Variants in ST3GAL6 observed in about 807,000 individuals in gnomAD.
The protein encoded by ST3GAL6 is ST3 beta-galactoside alpha-2,3-sialyltransferase 6.
A neutral mutation model predicts 40.5 loss-of-function variants in ST3GAL6; 31 were observed. The observed-to-expected ratio is 0.77, with a 90% CI of 0.58 to 1.03. The LOEUF (loss-of-function observed/expected upper bound fraction) is 1.03. Ranked by LOEUF, ST3GAL6 falls within the 50% of genes least tolerant of loss-of-function variation. The pLI is 0.00. For missense variants in ST3GAL6, 357 were observed against 393.2 expected, an observed-to-expected ratio of 0.91 and a Z score of 0.78; for synonymous variants, 129 against 136.9, an observed-to-expected ratio of 0.94 and a Z score of 0.40.
intron 1 of ST3GAL6, among the ~76,000 whole-genome samples, chr3:98,754,326 G>A (rs1468331543): frequency 6.6e-6 from 1 of 152,242 alleles, no homozygotes; most frequent in Non-Finnish European, 1.5e-5. Flanking sequence ...GGAAGAAACT[G>A]CAGATTGATG....
At chr3:98,775,871 G>A (rs1210338465) in intron 5 of ST3GAL6, among the ~76,000 whole-genome samples, 1 of 152,150 alleles carries the variant, frequency 6.6e-6, no homozygotes, top group Non-Finnish European at 1.5e-5. Context: ...AAATCATGCT[G>A]ACTGCAGGAG....
intron 1 of ST3GAL6, among the ~76,000 whole-genome samples, chr3:98,747,467 G>T (rs2107318223): frequency 6.6e-6 from 1 of 152,196 alleles, no homozygotes; most frequent in Middle Eastern, 3.4e-3. Flanking sequence ...ATTTAAAAAT[G>T]AAACGACAAT....
chr3:98,736,725 G>T (rs80224578), intron 1 of ST3GAL6, among the ~76,000 whole-genome samples: 1 of 152,214 alleles, frequency 6.6e-6, no homozygotes, highest in African/African-American at 2.4e-5. Context: ...GGAGCGTGCC[G>T]TGTTGGACAC....
intron 1 of ST3GAL6, among the ~76,000 whole-genome samples, chr3:98,753,571 G>T (rs1443030000): frequency 6.6e-6 from 1 of 152,206 alleles, no homozygotes; most frequent in South Asian, 2.1e-4. Context: ...AAGCTTCAAA[G>T]GGCTGGCTCA....
At chr3:98,773,424 T>G (rs1474962837) in intron 4 of ST3GAL6, 1 of 153,154 alleles carries the variant, frequency 6.5e-6, no homozygotes, top group African/African-American at 2.4e-5. Flanking sequence ...TGATAAGTGA[T>G]TGGCCCTATA....
At chr3:98,748,069 A>G (rs1936700694) in intron 1 of ST3GAL6, among the ~76,000 whole-genome samples, 1 of 152,260 alleles carries the variant, frequency 6.6e-6, no homozygotes, top group Non-Finnish European at 1.5e-5. Context: ...ACTAGGAGCC[A>G]TACATTTATC....
chr3:98,762,786 T>G, upstream of ST3GAL6: 9 of 985,414 alleles, frequency 9.1e-6, no homozygotes, highest in Non-Finnish European at 1.1e-5. Context: ...AAATCAGATC[T>G]CAGTTTGAAT....
intron 1 of ST3GAL6, among the ~76,000 whole-genome samples, chr3:98,755,070 C>T (rs533413332): frequency 1.5e-4 from 23 of 152,214 alleles, no homozygotes; most frequent in African/African-American, 4.3e-4. Context: ...TTTTTTGAGA[C>T]GGAGTCTCGC....
chr3:98,736,655 T>A (rs561222991), intron 1 of ST3GAL6, among the ~76,000 whole-genome samples: 3 of 152,298 alleles, frequency 2.0e-5, no homozygotes, highest in African/African-American at 7.2e-5. Flanking sequence ...TCCCTAATGG[T>A]CAACCAACAT....
intron 1 of ST3GAL6, among the ~76,000 whole-genome samples, chr3:98,740,225 CTTTTTTTTTT>C (rs764868667): frequency 1.6e-5 from 2 of 122,150 alleles, no homozygotes; most frequent in African/African-American, 6.2e-5. Flanking sequence ...TTGCAAAACA[CTTTTTTTTTT>C]TTTTTTTTTT....
chr3:98,758,970 T>TTCA (rs1284329802), upstream of ST3GAL6, among the ~76,000 whole-genome samples: 1 of 152,200 alleles, frequency 6.6e-6, no homozygotes, highest in Admixed American at 6.5e-5. Context: ...CCCAGGGTGA[T>TTCA]ACAACTCATC....
chr3:98,776,064 C>A (rs931325593), intron 5 of ST3GAL6, among the ~76,000 whole-genome samples: 1 of 152,160 alleles, frequency 6.6e-6, no homozygotes, highest in Non-Finnish European at 1.5e-5. Context: ...CCTGGGCAAA[C>A]CTTATCGAGT....
chr3:98,788,279 A>G (rs969122090), intron 7 of ST3GAL6, 47 bp from the exon 8 acceptor site: 19 of 1,586,872 alleles, frequency 1.2e-5, no homozygotes, highest in Non-Finnish European at 1.5e-5. Context: ...TTTTCCTTAA[A>G]AAACAGACAG....
intron 1 of ST3GAL6, among the ~76,000 whole-genome samples, chr3:98,765,995 T>C (rs1189510194): frequency 6.6e-6 from 1 of 152,204 alleles, no homozygotes; most frequent in Non-Finnish European, 1.5e-5. Context: ...CCCGTGTCCT[T>C]TGCAACTTGA....
At chr3:98,773,841 G>A in intron 4 of ST3GAL6, 79 bp from the exon 5 acceptor site, 2 of 1,145,134 alleles carry the variant, frequency 1.7e-6, no homozygotes, top group South Asian at 2.6e-5. Flanking sequence ...GGGTTTGTGT[G>A]GGAGGGAGTA....
chr3:98,737,804 G>A (rs1454410367), intron 1 of ST3GAL6, among the ~76,000 whole-genome samples: 1 of 152,100 alleles, frequency 6.6e-6, no homozygotes, highest in East Asian at 1.9e-4. Context: ...AGTCTGGCAA[G>A]CAAATGGAAA....
chr3:98,775,466 C>A (rs1939449586), intron 5 of ST3GAL6, among the ~76,000 whole-genome samples: 1 of 123,124 alleles, frequency 8.1e-6, no homozygotes, highest in Admixed American at 9.2e-5. Flanking sequence ...CAGAGCAAGA[C>A]TTCGTCTCAA....
At chr3:98,763,336 T>C (rs1001087717), upstream of ST3GAL6, 65 of 1,289,670 alleles carry the variant, frequency 5.0e-5, no homozygotes, top group Non-Finnish European at 6.3e-5. Context: ...CTGGAGTGTA[T>C]GTCAGTGTGA....
chr3:98,736,503 AG>A lies in ST3GAL6; in HGVS notation c.-12+3973del, dbSNP rs560690603. Among the ~76,000 whole-genome samples, 5 of 152,294 alleles carry A rather than the reference AG, an allele frequency of 3.3e-5. No individual in the cohort carries two copies. The East Asian group carries it at 9.6e-4, about 29-fold the overall frequency. On this transcript the variant is annotated intron_variant, in intron 1 of 9. Transcript: ENST00000265261. ...TGGGAGGGTTATTCTCACCTTCCAC[AG>A]GTTGTGGAAGCAGGCCTGGAGTTGT...
Sources: allele counts gnomAD v4.1 joint callset (sites outside exome capture counted in the v4.1 genomes callset), GRCh38; gene constraint gnomAD v4.1.1; transcripts MANE v1.5; gene names NCBI Gene and HGNC (gene_info 2026-07-23, HGNC 2026-07-21).